USH2A: variants seen among roughly 807,000 people sequenced by gnomAD.
USH2A encodes the protein usherin.
A neutral mutation model predicts 538.9 loss-of-function variants in USH2A; 443 were observed. The ratio of observed to expected loss-of-function variants is 0.82; its 90% CI spans 0.76 to 0.89. USH2A has a LOEUF of 0.89. Ranked by LOEUF, USH2A falls within the 40% of genes least tolerant of loss-of-function variation. The pLI is 0.00. For missense variants in USH2A, 6,633 were observed against 6,324.8 expected, an observed-to-expected ratio of 1.05 and a Z score of -1.65; for synonymous variants, 2,413 against 2,273.5, an observed-to-expected ratio of 1.06 and a Z score of -1.75.
At chr1:216,360,510 C>T (rs1258853418) in intron 4 of USH2A, among the ~76,000 whole-genome samples, 2 of 151,940 alleles carry the variant, frequency 1.3e-5, no homozygotes, top group Non-Finnish European at 2.9e-5. Flanking sequence ...CAAGAGTGAA[C>T]TTTAATGTAA....
At chr1:216,087,805 G>A (rs1349944424) in intron 23 of USH2A, among the ~76,000 whole-genome samples, 1 of 152,032 alleles carries the variant, frequency 6.6e-6, no homozygotes, top group East Asian at 1.9e-4. Flanking sequence ...ATGATTTCTT[G>A]TCTGAATTAT....
At chr1:215,934,557 G>A in intron 38 of USH2A, 59 bp downstream of exon 38, 1 of 1,549,428 alleles carries the variant, frequency 6.5e-7, no homozygotes, top group Non-Finnish European at 8.9e-7. Flanking sequence ...GTATTCAATG[G>A]AAACTTAATT....
At chr1:215,729,614 T>A (rs185463944) in intron 60 of USH2A, among the ~76,000 whole-genome samples, 1 of 151,376 alleles carries the variant, frequency 6.6e-6, no homozygotes, top group Admixed American at 6.6e-5. Context: ...AATAGGAATT[T>A]GTTTTAGAGT....
intron 37 of USH2A, among the ~76,000 whole-genome samples, chr1:215,952,592 C>T (rs1033802840): frequency 5.3e-5 from 8 of 152,174 alleles, no homozygotes; most frequent in Admixed American, 2.0e-4. Context: ...CAAAATCTCT[C>T]AGCATTTGCT....
At chr1:216,388,501 A>G (rs2039045407) in intron 3 of USH2A, among the ~76,000 whole-genome samples, 3 of 152,292 alleles carry the variant, frequency 2.0e-5, no homozygotes, top group Admixed American at 2.0e-4. Flanking sequence ...GAATATTATG[A>G]CTTGGAAGGA....
rs368176231 is a variant in USH2A at position 216,409,704 on chromosome 1, C to G, written c.651+8810G>C. Among the ~76,000 whole-genome samples, 15 of 152,208 alleles carry G rather than the reference C, an allele frequency of 9.9e-5. No homozygotes were observed. The East Asian group carries it at 2.1e-3, about 22-fold the overall frequency. ...CAGAAGATTGAAACTGGACCCCTTC[C>G]TTATACCATATATAAAAATCAACTC... is the stretch of plus-strand genomic sequence containing the variant. On this transcript the variant is annotated intron_variant, in intron 3 of 71. Transcript: ENST00000307340.
At chr1:215,916,290 T>G (rs1472887837) in intron 38 of USH2A, among the ~76,000 whole-genome samples, 3 of 151,914 alleles carry the variant, frequency 2.0e-5, no homozygotes, top group Non-Finnish European at 4.4e-5. Flanking sequence ...ACTAGTGTAG[T>G]AGAAGAGTAT....
At chr1:216,010,632 T>A (rs1022452652) in intron 32 of USH2A, among the ~76,000 whole-genome samples, 1 of 151,858 alleles carries the variant, frequency 6.6e-6, no homozygotes, top group Non-Finnish European at 1.5e-5. Context: ...CTTGCCTCCA[T>A]AACTGTTGCA....
chr1:215,779,267 C>T (rs1661549997), intron 55 of USH2A, among the ~76,000 whole-genome samples: 1 of 152,114 alleles, frequency 6.6e-6, no homozygotes, highest in African/African-American at 2.4e-5. Context: ...TTATCATAAT[C>T]ACTACTAGCA....
Position 216,084,876 on chromosome 1 carries a change from C to T in USH2A, c.4989G>A (p.Glu1663=), listed in dbSNP as rs1457503162. The T allele has an allele frequency of 6.2e-7, 1 of 1,612,636 alleles. No individual in the cohort carries two copies. The highest frequency in any genetic ancestry group is 2.2e-5 in the East Asian group (1 of 44,840). The change falls in exon 25 of 72, where the codon GAG becomes GAA. Residue 1663 remains glutamate, a splice_region_variant and synonymous_variant. Transcript: ENST00000307340. ...RSYTILRKDP[E]IIQKGFVGCL... is the part of the protein sequence containing the mutation. ...AGCCCACAAAACCTTTTTGGATTAT[C>T]TCTGCAGGAGTTTATAGATATCAAG...
chr1:215,906,926 A>G lies in USH2A; in HGVS notation c.7301-6021T>C, dbSNP rs545798141. Among the ~76,000 whole-genome samples, 24 of 152,086 alleles carry G rather than the reference A, an allele frequency of 1.6e-4. 1 individual carries two copies. The highest frequency in any genetic ancestry group is 5.5e-4 in the African/African-American group (23 of 41,528). On this transcript the variant is annotated intron_variant, in intron 38 of 71. Transcript: ENST00000307340. ...TAAAATCAGAAGGCAGAAAACTTAA[A>G]AGTCACCAACTTTATCCTCTCACCA...
intron 9 of USH2A, among the ~76,000 whole-genome samples, chr1:216,310,227 T>G (rs371292442): frequency 6.6e-6 from 1 of 152,224 alleles, no homozygotes; most frequent in East Asian, 1.9e-4. Flanking sequence ...TTCTATATAC[T>G]TTTTACCTTT....
chr1:215,656,328 CT>C (rs1309176861), intron 64 of USH2A, among the ~76,000 whole-genome samples: 1 of 152,104 alleles, frequency 6.6e-6, no homozygotes, highest in African/African-American at 2.4e-5. Context: ...AGAAAAACCC[CT>C]AAATTGTGAA....
intron 22 of USH2A, among the ~76,000 whole-genome samples, chr1:216,094,928 G>T (rs1430073964): frequency 6.6e-6 from 1 of 151,210 alleles, no homozygotes; most frequent in African/African-American, 2.4e-5. Context: ...TTGTTGAAAA[G>T]TTCAAATGAG....
chr1:215,993,010 G>A lies in USH2A; in HGVS notation c.6805+10C>T. 6.2e-7 allele frequency: 1 copy of A among 1,614,038 alleles called. No homozygotes were observed. The highest frequency in any genetic ancestry group is 1.1e-5 in the South Asian group (1 of 91,078). On this transcript the variant is annotated intron_variant, in intron 35 of 71. Transcript: ENST00000307340. ...ATCTTTTTAACTTGAGGCTAAAAGA[G>A]TTCACTTACCATTCGGATATTCAGG...
chr1:216,020,959 A>G (rs533791697), intron 32 of USH2A, among the ~76,000 whole-genome samples: 2 of 152,240 alleles, frequency 1.3e-5, no homozygotes, highest in East Asian at 3.9e-4. Flanking sequence ...TGTGTAGCTC[A>G]GCTGGAGAGA....
chr1:215,771,817 C>A (rs1020210438), intron 55 of USH2A, among the ~76,000 whole-genome samples: 45 of 151,936 alleles, frequency 3.0e-4, no homozygotes, highest in South Asian at 1.2e-3. Flanking sequence ...GTTTCTATAT[C>A]TATAAACTGT....
chr1:215,667,032 A>G (rs999581391), intron 64 of USH2A, among the ~76,000 whole-genome samples: 1 of 152,168 alleles, frequency 6.6e-6, no homozygotes, highest in Non-Finnish European at 1.5e-5. Flanking sequence ...TGGAGGTTGC[A>G]GTGAGCCAAG....
chr1:215,720,159 A>G (rs903841069), intron 61 of USH2A, among the ~76,000 whole-genome samples: 6 of 150,558 alleles, frequency 4.0e-5, no homozygotes, highest in Non-Finnish European at 5.9e-5. Flanking sequence ...AACCTATATG[A>G]GAAGATCCAA....
Sources: allele counts gnomAD v4.1 joint callset (sites outside exome capture counted in the v4.1 genomes callset), GRCh38; gene constraint gnomAD v4.1.1; transcripts MANE v1.5; gene names NCBI Gene and HGNC (gene_info 2026-07-23, HGNC 2026-07-21).